TYW1B: variants seen among roughly 807,000 people sequenced by gnomAD.
The protein encoded by TYW1B is tRNA-yW synthesizing protein 1 homolog B.
TYW1B carries 73 observed loss-of-function variants against 86.9 expected under a neutral mutation model. That is an observed-to-expected ratio of 0.84 (90% CI 0.70 to 1.02). TYW1B has a LOEUF of 1.02. Ranked by LOEUF, TYW1B falls within the 50% of genes least tolerant of loss-of-function variation. The pLI, the probability that TYW1B is intolerant of heterozygous loss-of-function variation, is 0.00. For missense variants in TYW1B, 637 were observed against 827.4 expected, an observed-to-expected ratio of 0.77 and a Z score of 2.82; for synonymous variants, 248 against 292.8, an observed-to-expected ratio of 0.85 and a Z score of 1.56.
At chr7:72,688,529 T>C (rs1246429929) in intron 11 of TYW1B, among the ~76,000 whole-genome samples, 1 of 152,230 alleles carries the variant, frequency 6.6e-6, no homozygotes, top group Non-Finnish European at 1.5e-5. Context: ...TTGCATGGAA[T>C]TGAACCAATA....
intron 13 of TYW1B, among the ~76,000 whole-genome samples, chr7:72,576,794 G>A (rs1245530225): frequency 6.6e-6 from 1 of 151,756 alleles, no homozygotes; most frequent in Non-Finnish European, 1.5e-5. Flanking sequence ...TTACAGGCGT[G>A]AGCCACCACA....
At chr7:72,815,068 CAAAAAAAAAAAAA>C (rs576240918) in intron 3 of TYW1B, among the ~76,000 whole-genome samples, 21,320 of 73,308 alleles carry the variant, frequency 0.29, 1,869 homozygotes, top group Non-Finnish European at 0.31. Flanking sequence ...GACTCCATCT[CAAAAAAAAAAAAA>C]AAAAAAAAAG....
At chr7:72,655,827 C>G (rs755456986) in intron 11 of TYW1B, among the ~76,000 whole-genome samples, 135 of 152,248 alleles carry the variant, frequency 8.9e-4, no homozygotes, top group Non-Finnish European at 1.6e-3. Context: ...TGTCCAGGAG[C>G]CTGGGGATCA....
Position 72,788,148 on chromosome 7 carries a change from T to G in TYW1B, c.847-10615A>C, listed in dbSNP as rs577420009. Among the ~76,000 whole-genome samples the G allele has an allele frequency of 2.0e-5, 3 of 152,028 alleles. No homozygotes were observed. In the East Asian group the frequency reaches 5.9e-4, roughly 30 times the overall value. On this transcript the variant is annotated intron_variant, in intron 6 of 13. Coordinates refer to ENST00000620995, the MANE Select transcript of TYW1B (RefSeq NM_001145440.3). ...GCCTGCCACCACACCTGGCTAATAT[T>G]TTTGTATTTTTTAGTAGAGATGGGG...
In TYW1B at chr7:72,628,972, A is replaced by G. The variant is rs28535321; in HGVS notation, c.1532T>C (p.Met511Thr). Residue 511 changes from methionine (M) to threonine (T), a missense_variant, in exon 12 of 14, where the codon ATG becomes ACG. Physicochemically the swap from Met to Thr is moderately conservative, Grantham distance 81. Transcript: ENST00000620995. Reference sequence around the variant, plus strand: ...GTCCACGTTCCATGCTTTCACGAGCATCAGTCTGTAGACAGTTCGTTGTTG... The same window carrying G: ...GTCCACGTTCCATGCTTTCACGAGCGTCAGTCTGTAGACAGTTCGTTGTTG... ...VKQQRTVYRL[M>T]LVKAWNVDEL... 0.31 allele frequency: 392,051 copies of G among 1,282,358 alleles called. 98,487 individuals are homozygous for G. Among genetic ancestry groups the G allele is most frequent in the African/African-American group, 0.71 (47,245 of 66,478 alleles). 79.4% of individuals were successfully genotyped at this position (1,282,358 alleles called of 1,614,324 possible). A position where few individuals can be genotyped will look rare whatever the true frequency, so the allele number is the denominator to read the frequency against.
At chr7:72,741,231 C>T (rs1285937406) in intron 8 of TYW1B, among the ~76,000 whole-genome samples, 1 of 151,792 alleles carries the variant, frequency 6.6e-6, no homozygotes, top group African/African-American at 2.4e-5. Flanking sequence ...ATGAAGGAAA[C>T]CAAGAAAACA....
intron 11 of TYW1B, among the ~76,000 whole-genome samples, chr7:72,644,781 C>T (rs1197647580): frequency 6.6e-6 from 1 of 150,452 alleles, no homozygotes; most frequent in Admixed American, 6.6e-5. Flanking sequence ...GGAAAAACAA[C>T]ACAATGTCTA....
At position 72,586,495 on chromosome 7, in the gene TYW1B, G is replaced by A. The variant is rs545078600; in HGVS notation, c.1786-10776C>T. 1.2e-4 allele frequency among the ~76,000 whole-genome samples: 19 copies of A among 152,288 alleles called. No individual in the cohort carries two copies. In the East Asian group the frequency reaches 3.7e-3, roughly 29 times the overall value. On this transcript the variant is annotated intron_variant, in intron 13 of 13. Coordinates refer to ENST00000620995, the MANE Select transcript of TYW1B (RefSeq NM_001145440.3). Reference sequence around the variant, plus strand: ...CTCACGCCTGTAATCCCAGCACTTTGGGCAGCTGAGGTGGGAGGATCACCT... The same window carrying A: ...CTCACGCCTGTAATCCCAGCACTTTAGGCAGCTGAGGTGGGAGGATCACCT...
rs62466874 is a variant in TYW1B, at chr7:72,756,729, T to C, written c.965-12128A>G. Reference sequence around the variant, plus strand: ...TACAGCCACAAACAGTGACAAGAGATGCAAATCAGGTACCTGATAAAGAGC... The same window carrying C: ...TACAGCCACAAACAGTGACAAGAGACGCAAATCAGGTACCTGATAAAGAGC... On this transcript the variant is annotated intron_variant, in intron 7 of 13. Coordinates refer to ENST00000620995, the MANE Select transcript of TYW1B (RefSeq NM_001145440.3). Among the ~76,000 whole-genome samples the C allele has an allele frequency of 6.3e-3, 951 of 152,154 alleles. 6 individuals carry two copies. Among genetic ancestry groups the C allele is most frequent in the Non-Finnish European group, 8.4e-3 (571 of 67,982 alleles).
In TYW1B at chr7:72,780,320, C is replaced by A. The variant is rs1788029829; in HGVS notation, c.847-2787G>T. Among the ~76,000 whole-genome samples the A allele has an allele frequency of 1.3e-5, 2 of 152,106 alleles. 1 individual carries two copies. Among genetic ancestry groups the A allele is most frequent in the South Asian group, 4.1e-4 (2 of 4,822 alleles). ...GTGAAGCAAAATGAACAAATCTCAACCTTGAAAGCATTTGAATTCTCTGAA... is the reference window on the plus strand; with the variant it reads ...GTGAAGCAAAATGAACAAATCTCAAACTTGAAAGCATTTGAATTCTCTGAA... On this transcript the variant is annotated intron_variant, in intron 6 of 13. Coordinates refer to ENST00000620995, the MANE Select transcript of TYW1B (RefSeq NM_001145440.3).
intron 10 of TYW1B, among the ~76,000 whole-genome samples, chr7:72,711,568 C>T (rs1786669901): frequency 7.6e-6 from 1 of 131,520 alleles, no homozygotes; most frequent in South Asian, 2.6e-4. Context: ...CTCCCAGGTT[C>T]TCACCATTCT....
At chr7:72,628,326 G>A (rs1812404488) in intron 12 of TYW1B, among the ~76,000 whole-genome samples, 3 of 152,126 alleles carry the variant, frequency 2.0e-5, no homozygotes, top group Admixed American at 2.0e-4. Flanking sequence ...AATAAAATAA[G>A]AGTAGAAATC....
chr7:72,777,602 A>G, intron 6 of TYW1B, 69 bp from the exon 7 acceptor site: 2 of 1,570,240 alleles, frequency 1.3e-6, no homozygotes, highest in Non-Finnish European at 1.7e-6. Context: ...ACAATCATGA[A>G]CACCTAGCAT....
At chr7:72,776,713 A>T (rs1204383150) in intron 7 of TYW1B, among the ~76,000 whole-genome samples, 3 of 151,778 alleles carry the variant, frequency 2.0e-5, no homozygotes, top group African/African-American at 7.2e-5. Context: ...AAAGGGAAAT[A>T]AAAAAGCAGA....
At chr7:72,795,151 C>A (rs1241451632) in intron 6 of TYW1B, among the ~76,000 whole-genome samples, 3 of 151,902 alleles carry the variant, frequency 2.0e-5, no homozygotes, top group Non-Finnish European at 4.4e-5. Flanking sequence ...CTGCCTCCCC[C>A]CAGCTGCTCC....
At chr7:72,651,658 CATGTAT>C (rs1205370488) in intron 11 of TYW1B, among the ~76,000 whole-genome samples, 11 of 141,754 alleles carry the variant, frequency 7.8e-5, no homozygotes, top group Non-Finnish European at 1.4e-4. Context: ...AATGTGTCTA[CATGTAT>C]ATGTATATGT....
In TYW1B at chr7:72,655,832, G is replaced by A. The variant is rs565962485; in HGVS notation, c.1507-26835C>T. On this transcript the variant is annotated intron_variant, in intron 11 of 13. Coordinates refer to ENST00000620995, the MANE Select transcript of TYW1B (RefSeq NM_001145440.3). ...CTGCACACACTGTCCAGGAGCCTGG[G>A]GATCAACCCACTCCACCTGTCACCG... Among the ~76,000 whole-genome samples, 4 of 152,242 alleles carry A rather than the reference G, an allele frequency of 2.6e-5. 1 individual carries two copies. In the South Asian group the frequency reaches 6.2e-4, roughly 24 times the overall value.
At chr7:72,645,294 T>C (rs1455862700) in intron 11 of TYW1B, among the ~76,000 whole-genome samples, 1 of 152,120 alleles carries the variant, frequency 6.6e-6, no homozygotes, top group East Asian at 1.9e-4. Context: ...AAAAATCCTA[T>C]AAACCAATAA....
chr7:72,728,409 C>G (rs1235445119), intron 9 of TYW1B, among the ~76,000 whole-genome samples: 1 of 152,108 alleles, frequency 6.6e-6, no homozygotes, highest in Non-Finnish European at 1.5e-5. Context: ...CAGGTTCAAG[C>G]AATTCTCCTG....
Sources: gnomAD v4.1 joint callset for allele counts (sites outside exome capture counted in the v4.1 genomes callset) on GRCh38, gnomAD v4.1.1 for gene constraint, MANE v1.5 for transcripts, NCBI Gene and HGNC (gene_info 2026-07-23, HGNC 2026-07-21) for gene names.